The following IGFBP2 variants were observed in gnomAD, a reference collection of about 807,000 sequenced individuals.
IGFBP2 encodes the protein insulin like growth factor binding protein 2, also known as insulin-like growth factor-binding protein 2.
A neutral mutation model predicts 26.2 loss-of-function variants in IGFBP2; 12 were observed. The observed-to-expected ratio is 0.46, with a 90% confidence interval of 0.29 to 0.74. The LOEUF is 0.74. Ranked by LOEUF, IGFBP2 falls within the 30% of genes least tolerant of loss-of-function variation. The pLI is 0.09. For missense variants in IGFBP2, 328 were observed against 441.2 expected, an observed-to-expected ratio of 0.74 and a Z score of 2.30; for synonymous variants, 189 against 200.6, an observed-to-expected ratio of 0.94 and a Z score of 0.49.
chr2:216,640,447 C>T (rs1697588901), intron 1 of IGFBP2, among the ~76,000 whole-genome samples: 1 of 152,182 alleles, frequency 6.6e-6, no homozygotes, highest in African/African-American at 2.4e-5. Flanking sequence ...TATTCTAGAT[C>T]CCTCTGCTTA....
intron 1 of IGFBP2, among the ~76,000 whole-genome samples, chr2:216,645,248 C>T (rs1697688504): frequency 6.6e-6 from 1 of 152,104 alleles, no homozygotes; most frequent in African/African-American, 2.4e-5. Context: ...GGGGGTAGGA[C>T]AGGTTTACTG....
intron 1 of IGFBP2, among the ~76,000 whole-genome samples, chr2:216,635,071 T>C (rs978778790): frequency 2.0e-5 from 3 of 151,342 alleles, no homozygotes; most frequent in African/African-American, 7.3e-5. Context: ...AGAAGAATGC[T>C]TGCTTTTTAG....
At chr2:216,647,686 A>AT (rs1051960670) in intron 1 of IGFBP2, among the ~76,000 whole-genome samples, 51 of 151,808 alleles carry the variant, frequency 3.4e-4, no homozygotes, top group African/African-American at 8.5e-4. Flanking sequence ...CGCCTGGCTA[A>AT]TTTTTTGTAT....
intron 1 of IGFBP2, among the ~76,000 whole-genome samples, chr2:216,649,758 G>T (rs1424949322): frequency 1.3e-5 from 2 of 152,262 alleles, no homozygotes; most frequent in East Asian, 3.9e-4. Flanking sequence ...TGCAATTCCA[G>T]GAATGACCCT....
intron 3 of IGFBP2, chr2:216,663,120 C>T (rs955652677): frequency 2.6e-5 from 4 of 152,326 alleles, no homozygotes; most frequent in Non-Finnish European, 5.9e-5. Context: ...CCCCTTCACC[C>T]AGGCACCTTG....
At chr2:216,660,527 G>A in intron 1 of IGFBP2, 30 bp from the exon 2 acceptor site, 1 of 1,543,480 alleles carries the variant, frequency 6.5e-7, no homozygotes, top group Non-Finnish European at 8.8e-7. Flanking sequence ...AACTGGACCT[G>A]GAGCTTTTCT....
chr2:216,649,727 C>T (rs1559177545), intron 1 of IGFBP2, among the ~76,000 whole-genome samples: 1 of 152,210 alleles, frequency 6.6e-6, no homozygotes, highest in East Asian at 1.9e-4. Context: ...TCTGCCTCAG[C>T]CCTGACCCTC....
chr2:216,657,788 A>G (rs1354198072), intron 1 of IGFBP2, among the ~76,000 whole-genome samples: 1 of 152,194 alleles, frequency 6.6e-6, no homozygotes, highest in Non-Finnish European at 1.5e-5. Flanking sequence ...TGCTGGAACA[A>G]TTTAATCTGT....
chr2:216,648,899 G>T (rs115431509), intron 1 of IGFBP2, among the ~76,000 whole-genome samples: 1 of 152,166 alleles, frequency 6.6e-6, no homozygotes, highest in South Asian at 2.1e-4. Flanking sequence ...GAGCCACCGC[G>T]CCCAGCCCTG....
intron 1 of IGFBP2, among the ~76,000 whole-genome samples, chr2:216,643,593 C>T (rs1697655193): frequency 6.6e-6 from 1 of 152,032 alleles, no homozygotes; most frequent in East Asian, 1.9e-4. Flanking sequence ...TTTGGCTTCC[C>T]TGGGCCACTT....
chr2:216,649,752 A>G (rs1433413972), intron 1 of IGFBP2, among the ~76,000 whole-genome samples: 2 of 152,140 alleles, frequency 1.3e-5, no homozygotes, highest in Non-Finnish European at 2.9e-5. Context: ...GGTCTTTGCA[A>G]TTCCAGGAAT....
chr2:216,657,266 G>T (rs1226261451), intron 1 of IGFBP2, among the ~76,000 whole-genome samples: 1 of 152,100 alleles, frequency 6.6e-6, no homozygotes, highest in Non-Finnish European at 1.5e-5. Context: ...GGGCAGCGGG[G>T]CGGAGGCAGG....
intron 1 of IGFBP2, among the ~76,000 whole-genome samples, chr2:216,644,166 C>T (rs920077680): frequency 3.3e-5 from 5 of 150,916 alleles, no homozygotes; most frequent in Admixed American, 6.6e-5. Context: ...AGGAATTTTT[C>T]CCTTTCCTTT....
chr2:216,641,585 A>G (rs894036999), intron 1 of IGFBP2, among the ~76,000 whole-genome samples: 1 of 152,140 alleles, frequency 6.6e-6, no homozygotes, highest in African/African-American at 2.4e-5. Context: ...ATGAAACTGT[A>G]CTTTAAATGC....
intron 1 of IGFBP2, among the ~76,000 whole-genome samples, chr2:216,634,565 AGCAGG>A (rs1374629345): frequency 6.6e-6 from 1 of 152,232 alleles, no homozygotes; most frequent in Non-Finnish European, 1.5e-5. Context: ...ATAGGGAACG[AGCAGG>A]GCTCTTGCTA....
chr2:216,664,266 CCTCT>C lies in IGFBP2; in HGVS notation c.*167_*170del, dbSNP rs1421055072. 1 of 510,854 alleles carries C rather than the reference CCTCT, an allele frequency of 2.0e-6. No individual in the cohort carries two copies. The highest frequency in any genetic ancestry group is 3.3e-6 in the Non-Finnish European group (1 of 300,090). 31.6% of individuals were successfully genotyped at this position (510,854 alleles called of 1,614,324 possible). On this transcript the variant is annotated 3_prime_UTR_variant, in exon 4 of 4. Coordinates refer to ENST00000233809, the MANE Select transcript of IGFBP2 (RefSeq NM_000597.3). The surrounding 1 kb of genome is among the most constrained non-coding windows in gnomAD (Gnocchi z 4.6). ...AGCACCGAGCTCGGCACCTCCCCGG[CCTCT>C]CTCTTCCCAGCTGCAGATGCCACAC... is the stretch of plus-strand genomic sequence containing the variant.
At chr2:216,655,193 T>A (rs1163411561) in intron 1 of IGFBP2, among the ~76,000 whole-genome samples, 2 of 152,084 alleles carry the variant, frequency 1.3e-5, no homozygotes, top group African/African-American at 4.8e-5. Context: ...ACCACAGGTG[T>A]GCATCACCAT....
chr2:216,663,957 C>T lies in IGFBP2; in HGVS notation c.831C>T (p.Asn277=). 1.7e-5 allele frequency: 27 copies of T among 1,614,094 alleles called. No homozygotes were observed. Among genetic ancestry groups the T allele is most frequent in the Middle Eastern group, 1.7e-4 (1 of 6,060 alleles). Residue 277 remains asparagine, a synonymous_variant, in exon 4 of 4, where the codon AAC becomes AAT. Transcript: ENST00000233809. ...YNLKQCKMSL[N]GQRGECWCVN... is the part of the protein sequence containing the mutation. The stretch of plus-strand genomic sequence containing the variant: ...CTCCCCAGTGCAAGATGTCTCTGAA[C>T]GGGCAGCGTGGGGAGTGCTGGTGTG...
intron 1 of IGFBP2, among the ~76,000 whole-genome samples, chr2:216,646,907 G>C (rs747857225): frequency 1.3e-5 from 2 of 152,174 alleles, no homozygotes; most frequent in Admixed American, 6.5e-5. Flanking sequence ...CTTTTCTAAT[G>C]TGTAAACATT....
Sources: allele counts gnomAD v4.1 joint callset (sites outside exome capture counted in the v4.1 genomes callset), GRCh38; gene constraint gnomAD v4.1.1; non-coding constraint Gnocchi (gnomAD v3.1); transcripts MANE v1.5; gene names NCBI Gene and HGNC (gene_info 2026-07-23, HGNC 2026-07-21).